The following KYNU variants were observed in gnomAD, a reference collection of about 807,000 sequenced individuals.
KYNU encodes the protein L-kynurenine hydrolase.
Under a neutral mutation model 59.2 loss-of-function variants are expected in KYNU, and 54 were observed. The ratio of observed to expected loss-of-function variants is 0.91; its 90% CI spans 0.73 to 1.14. The LOEUF (loss-of-function observed/expected upper bound fraction) is 1.14, where lower values mean the gene tolerates loss of function less well. Ranked by LOEUF, KYNU falls within the 50% of genes most tolerant of loss-of-function variation. The pLI is 0.00. For missense variants in KYNU, 567 were observed against 554.4 expected (o/e 1.02, Z -0.23); for synonymous variants, 177 against 192.0 (o/e 0.92, Z 0.65).
intron 10 of KYNU, among the ~76,000 whole-genome samples, chr2:143,012,621 A>G (rs1317671170): frequency 6.6e-6 from 1 of 152,142 alleles, no homozygotes; most frequent in East Asian, 1.9e-4. Context: ...AACATGATGT[A>G]TGGGATACAT....
intron 12 of KYNU, among the ~76,000 whole-genome samples, chr2:143,040,022 T>C (rs1686991081): frequency 6.6e-6 from 1 of 152,114 alleles, no homozygotes; most frequent in Non-Finnish European, 1.5e-5. Flanking sequence ...GCAAAACTCT[T>C]GATAGGCTTT....
At chr2:142,888,473 A>G (rs987536455) in intron 2 of KYNU, among the ~76,000 whole-genome samples, 3 of 152,160 alleles carry the variant, frequency 2.0e-5, no homozygotes, top group African/African-American at 7.2e-5. Flanking sequence ...AACAATAATT[A>G]TTCTAATAAT....
In KYNU at chr2:142,974,094, CA is replaced by C. The variant is rs570038301; in HGVS notation, c.730-10985del. Among the ~76,000 whole-genome samples the C allele has an allele frequency of 1.4e-4, 22 of 152,254 alleles. No individual in the cohort carries two copies. The South Asian group carries it at 4.2e-3, about 29-fold the overall frequency. ...CAGAGCATTCATTCCCATAGTCAAC[CA>C]AAAAGTATCTGAGACAAGTCTCACT... On this transcript the variant is annotated intron_variant, in intron 8 of 13. Coordinates refer to ENST00000264170, the MANE Select transcript of KYNU (RefSeq NM_003937.3).
At chr2:143,012,063 TAA>T (rs761883397) in intron 10 of KYNU, among the ~76,000 whole-genome samples, 1,543 of 126,784 alleles carry the variant, frequency 0.012, 11 homozygotes, top group Middle Eastern at 0.021. Flanking sequence ...TAAAGTATAA[TAA>T]AAAAAAAAAA....
At chr2:142,961,206 C>T (rs539341115) in intron 8 of KYNU, among the ~76,000 whole-genome samples, 5 of 145,668 alleles carry the variant, frequency 3.4e-5, no homozygotes, top group African/African-American at 5.2e-5. Context: ...AAAAAAAAAG[C>T]GAGTAAATCT....
rs1687235755 is a variant in KYNU, at chr2:143,049,977, T to C, written c.*7805T>C. The C allele has an allele frequency of 6.7e-6, 1 of 149,722 alleles. No individual in the cohort carries two copies. The highest frequency in any genetic ancestry group is 2.4e-5 in the African/African-American group (1 of 41,062). The allele number at this position is 149,722 out of a possible 1,614,324, so 9.3% of individuals were successfully genotyped here. ...CTTTAAATTCTTGTTTTCGGTTTTT[T>C]TCCAATCACATAAGTAGGATTTACC... On this transcript the variant is annotated 3_prime_UTR_variant, in exon 14 of 14. Transcript: ENST00000264170.
At chr2:142,904,945 C>T (rs1180903129) in intron 2 of KYNU, among the ~76,000 whole-genome samples, 1 of 152,192 alleles carries the variant, frequency 6.6e-6, no homozygotes, top group Admixed American at 6.5e-5. Context: ...TGCCTTTGTG[C>T]TCAGGGGTGA....
intron 10 of KYNU, among the ~76,000 whole-genome samples, chr2:143,012,708 A>G (rs1686144959): frequency 6.6e-6 from 1 of 152,118 alleles, no homozygotes; most frequent in Non-Finnish European, 1.5e-5. Flanking sequence ...TTTTTCTAGC[A>G]AGAACAGGGA....
In KYNU at chr2:143,044,825, T is replaced by A. The variant is rs1212706048; in HGVS notation, c.*2653T>A. Reference sequence around the variant, plus strand: ...GTTTCTTTTGCTGTGTAGAAGCTCTTTAGTTTAATCAGGTTCCATTTGTCA... The same window carrying A: ...GTTTCTTTTGCTGTGTAGAAGCTCTATAGTTTAATCAGGTTCCATTTGTCA... On this transcript the variant is annotated 3_prime_UTR_variant, in exon 14 of 14. Transcript: ENST00000264170. 1 of 152,172 alleles carries A rather than the reference T, an allele frequency of 6.6e-6. No homozygotes were observed. Among genetic ancestry groups the A allele is most frequent in the Non-Finnish European group, 1.5e-5 (1 of 68,032 alleles). 9.4% of individuals were successfully genotyped at this position (152,172 alleles called of 1,614,324 possible).
intron 13 of KYNU, 46 bp from the exon 14 acceptor site, chr2:143,042,001 G>T: frequency 1.3e-6 from 2 of 1,598,194 alleles, no homozygotes; most frequent in Non-Finnish European, 1.7e-6. Flanking sequence ...GATTTTCAAC[G>T]TGTGAATAAT....
intron 4 of KYNU, among the ~76,000 whole-genome samples, chr2:142,931,938 C>T (rs977853092): frequency 1.4e-4 from 21 of 152,124 alleles, no homozygotes; most frequent in African/African-American, 5.1e-4. Flanking sequence ...GACATTTGCA[C>T]CTTCTGAAGT....
At chr2:142,969,726 C>T (rs1684661016) in intron 8 of KYNU, among the ~76,000 whole-genome samples, 1 of 152,192 alleles carries the variant, frequency 6.6e-6, no homozygotes, top group Non-Finnish European at 1.5e-5. Context: ...GCTTCTGCAG[C>T]CACCCTTATC....
At position 143,040,949 on chromosome 2, in the gene KYNU, TACTC is replaced by T. The variant is rs1479386308; in HGVS notation, c.1272+293_1272+296del. ...GCAGAAAAAAGTTATTATTTCATCA[TACTC>T]AGTCAGGACATTGTTTTCTCTAGTC... On this transcript the variant is annotated intron_variant, in intron 13 of 13. Transcript: ENST00000264170. 4.6e-5 allele frequency among the ~76,000 whole-genome samples: 7 copies of T among 152,090 alleles called. No homozygotes were observed. The South Asian group carries it at 6.2e-4, about 13-fold the overall frequency.
At chr2:142,930,111 G>A (rs1243200472) in intron 4 of KYNU, among the ~76,000 whole-genome samples, 10 of 152,108 alleles carry the variant, frequency 6.6e-5, no homozygotes, top group Admixed American at 6.5e-4. Context: ...GCCAGAGTAA[G>A]GTTGGAAAGT....
At chr2:142,956,054 T>C (rs900067773) in intron 5 of KYNU, 149 bp from the exon 6 acceptor site, 3 of 529,396 alleles carry the variant, frequency 5.7e-6, no homozygotes, top group African/African-American at 3.9e-5. Context: ...ACATGGCTAA[T>C]TGAAAAGGTA....
intron 10 of KYNU, among the ~76,000 whole-genome samples, chr2:142,998,599 C>G (rs1453777357): frequency 6.6e-6 from 1 of 152,154 alleles, no homozygotes; most frequent in African/African-American, 2.4e-5. Context: ...TTCACTAAAT[C>G]AAGTGTCTAG....
At chr2:142,964,711 A>G (rs1684473719) in intron 8 of KYNU, 1 of 152,210 alleles carries the variant, frequency 6.6e-6, no homozygotes. Context: ...GTGGTCATCA[A>G]AGAAGAAAAC....
chr2:142,939,131 G>A (rs1407354346), intron 4 of KYNU, among the ~76,000 whole-genome samples: 3 of 151,718 alleles, frequency 2.0e-5, no homozygotes, highest in African/African-American at 7.3e-5. Context: ...CTGGGTGACA[G>A]ACTAAGACCC....
intron 10 of KYNU, chr2:142,988,701 T>G (rs1403800684): frequency 1.4e-6 from 1 of 715,872 alleles, no homozygotes; most frequent in Admixed American, 2.0e-5. Flanking sequence ...AAGGAAAACC[T>G]TGGTTGTTTT....
Sources: allele counts gnomAD v4.1 joint callset (sites outside exome capture counted in the v4.1 genomes callset), GRCh38; gene constraint gnomAD v4.1.1; transcripts MANE v1.5; gene names NCBI Gene and HGNC (gene_info 2026-07-23, HGNC 2026-07-21).